The following CDCP2 variants were observed in gnomAD, a reference collection of about 807,000 sequenced individuals.
CDCP2 encodes the protein CUB domain containing protein 2.
A neutral mutation model predicts 31.0 loss-of-function variants in CDCP2; 31 were observed. That is an observed-to-expected ratio of 1.00 (90% confidence interval 0.75 to 1.35). The LOEUF (loss-of-function observed/expected upper bound fraction) is 1.35. CDCP2 is among the 40% of genes most tolerant of loss of function. CDCP2 has a pLI of 0.00. For missense variants in CDCP2, 443 were observed against 482.6 expected (o/e 0.92, Z 0.77); for synonymous variants, 206 against 207.9 (o/e 0.99, Z 0.08).
At chr1:54,132,710 A>G (rs1421367469), downstream of CDCP2, 1 of 351,180 alleles carries the variant, frequency 2.8e-6, no homozygotes, top group Non-Finnish European at 5.1e-6. Flanking sequence ...AATATCTTTA[A>G]AATTAATAAC....
intron 1 of CDCP2, among the ~76,000 whole-genome samples, chr1:54,152,055 C>T (rs1283694077): frequency 6.6e-6 from 1 of 152,106 alleles, no homozygotes; most frequent in Non-Finnish European, 1.5e-5. Context: ...AGGCTCAATA[C>T]GATATGGAAG....
At position 54,141,227 on chromosome 1, in the gene CDCP2, T is replaced by G. The variant is rs1418328129; in HGVS notation, c.634A>C (p.Thr212Pro). The stretch of plus-strand genomic sequence containing the variant: ...CTGCCACAGTAGTGGTGCCCACGGG[T>G]GGGGCCAGGCCCCCCAAGCACAGCC... Residue 212 changes from threonine (T) to proline (P), a missense_variant, in exon 3 of 6, where the codon ACC becomes CCC. By Grantham distance (38) the Thr-to-Pro change is conservative (BLOSUM62 -1). Coordinates refer to ENST00000530059, the Ensembl canonical transcript of CDCP2. 2 of 1,613,446 alleles carry G rather than the reference T, an allele frequency of 1.2e-6. No homozygotes were observed. The highest frequency in any genetic ancestry group is 1.3e-5 in the African/African-American group (1 of 74,938).
chr1:54,141,111 G>C (rs745325896), exon 3 of CDCP2: 17 of 1,527,844 alleles, frequency 1.1e-5, no homozygotes, highest in Non-Finnish European at 1.5e-5. Context: ...AGAAGTAGTA[G>C]GCCTTGAAGC....
chr1:54,152,306 A>T (rs993004956), intron 1 of CDCP2, among the ~76,000 whole-genome samples: 8 of 152,132 alleles, frequency 5.3e-5, no homozygotes, highest in African/African-American at 1.9e-4. Flanking sequence ...TCTACTAAAA[A>T]TACAAAAATT....
chr1:54,151,697 T>G, intron 1 of CDCP2, among the ~76,000 whole-genome samples: 1 of 152,166 alleles, frequency 6.6e-6, no homozygotes, highest in Non-Finnish European at 1.5e-5. Flanking sequence ...TGAGCCCCAC[T>G]TGAGCCTTGC....
At chr1:54,145,434 A>G (rs998985543) in intron 1 of CDCP2, among the ~76,000 whole-genome samples, 17 of 152,152 alleles carry the variant, frequency 1.1e-4, no homozygotes, top group African/African-American at 4.1e-4. Context: ...TCAAAAAATA[A>G]ATAAATAAAA....
chr1:54,148,986 TATA>T (rs1296069098), intron 1 of CDCP2, among the ~76,000 whole-genome samples: 6 of 146,638 alleles, frequency 4.1e-5, no homozygotes, highest in African/African-American at 1.5e-4. Context: ...TATATATATA[TATA>T]ATATATAATA....
At chr1:54,140,953 G>A (rs1659357527) in intron 3 of CDCP2, 145 bp downstream of exon 3, 1 of 626,522 alleles carries the variant, frequency 1.6e-6, no homozygotes, top group Non-Finnish European at 2.6e-6. Flanking sequence ...ATAGGCCAAG[G>A]GTATGCTAGA....
chr1:54,137,702 T>TGTGTGCGTGTGTGTGA (rs1188646906), intron 4 of CDCP2: 2 of 152,774 alleles, frequency 1.3e-5, no homozygotes. Flanking sequence ...TGTGTGTGTG[T>TGTGTGCGTGTGTGTGA]GTGCATGCGG....
intron 1 of CDCP2, among the ~76,000 whole-genome samples, chr1:54,151,471 C>T (rs1659583005): frequency 2.0e-5 from 3 of 152,216 alleles, no homozygotes; most frequent in Non-Finnish European, 4.4e-5. Flanking sequence ...TCCTACAGCC[C>T]AGGTGGCTCC....
intron 2 of CDCP2, chr1:54,142,473 A>G (rs1373448214): frequency 1.3e-5 from 2 of 152,252 alleles, no homozygotes; most frequent in Non-Finnish European, 2.9e-5. Context: ...CAGTCTGAAA[A>G]TATGCTGCTG....
At chr1:54,145,779 A>G (rs1659457835) in intron 1 of CDCP2, among the ~76,000 whole-genome samples, 1 of 152,250 alleles carries the variant, frequency 6.6e-6, no homozygotes, top group Non-Finnish European at 1.5e-5. Flanking sequence ...GGAAGCAGGC[A>G]TGATGGCTGG....
rs542217843 is a variant in CDCP2 at position 54,150,970 on chromosome 1, T to C, written c.79+1874A>G. Among the ~76,000 whole-genome samples, 15 of 152,178 alleles carry C rather than the reference T, an allele frequency of 9.9e-5. No individual in the cohort carries two copies. The East Asian group carries it at 1.2e-3, about 12-fold the overall frequency. Reference sequence around the variant, plus strand: ...AGTGGGCCAGGGGGAGTCAGGCAAATGAGACAAAACACACAGCGTGATTGC... The same window carrying C: ...AGTGGGCCAGGGGGAGTCAGGCAAACGAGACAAAACACACAGCGTGATTGC... On this transcript the variant is annotated intron_variant, in intron 1 of 5. Coordinates refer to ENST00000530059, the Ensembl canonical transcript of CDCP2.
intron 1 of CDCP2, among the ~76,000 whole-genome samples, chr1:54,147,586 C>T (rs1211407401): frequency 2.0e-5 from 3 of 151,748 alleles, no homozygotes; most frequent in African/African-American, 7.3e-5. Flanking sequence ...AGGCTGGTCT[C>T]GAACTCCTGA....
chr1:54,151,207 G>A lies in CDCP2; in HGVS notation c.79+1637C>T, dbSNP rs183928214. 5.3e-5 allele frequency among the ~76,000 whole-genome samples: 8 copies of A among 152,340 alleles called. No individual in the cohort carries two copies. In the East Asian group the frequency reaches 5.8e-4, roughly 11 times the overall value. On this transcript the variant is annotated intron_variant, in intron 1 of 5. Transcript: ENST00000530059. ...CACGTGCACTTAGCCTCTGTGAGCC[G>A]TGACATGGGGATAGTGGTGCCTCCC...
chr1:54,149,869 C>A (rs1427768963), intron 1 of CDCP2, among the ~76,000 whole-genome samples: 3 of 152,210 alleles, frequency 2.0e-5, no homozygotes, highest in Admixed American at 1.3e-4. Context: ...GCCCCATGAA[C>A]TAGGCAGGGC....
intron 1 of CDCP2, 110 bp downstream of exon 1, chr1:54,152,734 A>T (rs1464072814): frequency 1.0e-6 from 1 of 979,930 alleles, no homozygotes; most frequent in Admixed American, 2.1e-5. Context: ...CACGTCCCCT[A>T]AAAGGACCTC....
chr1:54,150,609 A>C (rs1194690210), intron 1 of CDCP2, among the ~76,000 whole-genome samples: 3 of 151,576 alleles, frequency 2.0e-5, no homozygotes, highest in Admixed American at 6.6e-5. Context: ...AAAAAAAAAA[A>C]TTCTTATTAT....
chr1:54,139,753 C>G lies in CDCP2; in HGVS notation c.1117G>C (p.Val373Leu), dbSNP rs139868539. ...GACCCACTCCCACAGCCCAGCTGACCTCCGATGTAGGCCACAGAGAAGCCC... is the reference window on the plus strand; with the variant it reads ...GACCCACTCCCACAGCCCAGCTGACGTCCGATGTAGGCCACAGAGAAGCCC... Residue 373 changes from valine to leucine, a missense_variant and splice_region_variant, in exon 4 of 6, where the codon GTG becomes CTG. Coordinates refer to ENST00000530059, the Ensembl canonical transcript of CDCP2. 36 of 1,614,124 alleles carry G rather than the reference C, an allele frequency of 2.2e-5. No homozygotes were observed. The highest frequency in any genetic ancestry group is 8.3e-5 in the Admixed American group (5 of 60,014).
Sources: gnomAD v4.1 joint callset for allele counts (sites outside exome capture counted in the v4.1 genomes callset) on GRCh38, gnomAD v4.1.1 for gene constraint, MANE v1.5 for transcripts, NCBI Gene and HGNC (gene_info 2026-07-23, HGNC 2026-07-21) for gene names.